Variants in REPS2 observed in about 807,000 individuals in gnomAD.
The protein encoded by REPS2 is ralBP1-associated Eps domain-containing protein 2.
Under a neutral mutation model 53.6 loss-of-function variants are expected in REPS2, and 23 were observed. The ratio of observed to expected loss-of-function variants is 0.43; its 90% confidence interval spans 0.31 to 0.61. The LOEUF (loss-of-function observed/expected upper bound fraction) is 0.61, where lower values mean the gene tolerates loss of function less well. Ranked by LOEUF, REPS2 falls within the 20% of genes least tolerant of loss-of-function variation. REPS2 has a pLI of 0.11. For synonymous variants in REPS2, 238 were observed against 218.6 expected, an observed-to-expected ratio of 1.09 and a Z score of -0.78; for missense variants, 446 against 534.9, an observed-to-expected ratio of 0.83 and a Z score of 1.64.
intron 13 of REPS2, among the ~76,000 whole-genome samples, chrX:17,087,565 A>G (rs1270369284): frequency 8.9e-6 from 1 of 112,185 alleles, no homozygotes; most frequent in Admixed American, 9.4e-5. Flanking sequence ...TTTGGTGTGG[A>G]GAAGTTGTCA....
intron 1 of REPS2, among the ~76,000 whole-genome samples, chrX:16,965,458 C>T (rs2147660555): frequency 9.0e-6 from 1 of 111,463 alleles, no homozygotes; most frequent in East Asian, 2.9e-4. Context: ...AGGGGCTCCT[C>T]ACTTCTCAGA....
chrX:17,027,608 T>G (rs768835374), intron 4 of REPS2, among the ~76,000 whole-genome samples: 10 of 108,723 alleles, frequency 9.2e-5, no homozygotes, highest in Non-Finnish European at 1.5e-4. Context: ...TATATGAAAC[T>G]GCCAAAGAGT....
Position 16,946,876 on chromosome X carries a change from G to T in REPS2, c.15G>T (p.Ala5=). 1 of 744,610 alleles carries T rather than the reference G, an allele frequency of 1.3e-6. No homozygotes were observed. The highest frequency in any genetic ancestry group is 1.6e-6 in the Non-Finnish European group (1 of 631,078). The allele number at this position is 744,610 out of a possible 1,213,427, so 61.4% of individuals were successfully genotyped here. A position where few individuals can be genotyped will look rare whatever the true frequency, so the allele number is the denominator to read the frequency against. The change falls in exon 1 of 18, where the codon GCG becomes GCT. Residue 5 remains alanine, a synonymous_variant. Coordinates refer to ENST00000357277, the MANE Select transcript of REPS2 (RefSeq NM_004726.3). MEAA[A]AAAAAAAAAA... ...TTGCTGGCCCCATGGAGGCGGCAGC[G>T]GCGGCGGCGGCGGCGGCAGCGGCAG...
chrX:17,133,807 C>G lies in REPS2; in HGVS notation c.1579-17C>G, dbSNP rs2063325860. ...GTGGTTTTGCATTTCTGTCCTCTCT[C>G]TGATCTCTTGCTACAGTCTGAACAA... On this transcript the variant is annotated splice_polypyrimidine_tract_variant and intron_variant, in intron 14 of 17. Coordinates refer to ENST00000357277, the MANE Select transcript of REPS2 (RefSeq NM_004726.3). The G allele has an allele frequency of 8.4e-7, 1 of 1,192,369 alleles. No individual in the cohort carries two copies. Among genetic ancestry groups the G allele is most frequent in the Admixed American group, 2.2e-5 (1 of 45,673 alleles).
the REPS2 span, among the ~76,000 whole-genome samples, chrX:17,186,972 T>C: frequency 9.0e-6 from 1 of 111,346 alleles, no homozygotes; most frequent in Non-Finnish European, 1.9e-5. Context: ...AACTACATAT[T>C]GGGTACAATG....
At chrX:17,101,667 C>T (rs766335493) in intron 13 of REPS2, among the ~76,000 whole-genome samples, 14 of 111,674 alleles carry the variant, frequency 1.3e-4, no homozygotes, top group African/African-American at 4.5e-4. Flanking sequence ...TAATGAGATC[C>T]GAATCAGGAT....
downstream of REPS2, among the ~76,000 whole-genome samples, chrX:17,158,118 C>T (rs954330157): frequency 2.7e-5 from 3 of 112,145 alleles, no homozygotes; most frequent in African/African-American, 9.7e-5. Context: ...TGAGTTGTTA[C>T]ATACACACGT....
At chrX:17,121,232 A>G (rs1039968722) in intron 14 of REPS2, among the ~76,000 whole-genome samples, 1 of 111,736 alleles carries the variant, frequency 8.9e-6, no homozygotes, top group Non-Finnish European at 1.9e-5. Flanking sequence ...GGGTGAAGGA[A>G]TTTTTCTCCC....
At chrX:17,052,036 G>A (rs1309818076) in intron 6 of REPS2, among the ~76,000 whole-genome samples, 1 of 111,757 alleles carries the variant, frequency 8.9e-6, no homozygotes, top group East Asian at 2.8e-4. Context: ...ATTTCTATTT[G>A]AAATCTGCCA....
At chrX:17,173,814 C>A in the REPS2 span, among the ~76,000 whole-genome samples, 3 of 111,609 alleles carry the variant, frequency 2.7e-5, no homozygotes, top group African/African-American at 9.8e-5. Context: ...TTAATTATTC[C>A]ATTTTCACAA....
At chrX:16,975,426 T>C (rs913889812) in intron 1 of REPS2, among the ~76,000 whole-genome samples, 7 of 112,173 alleles carry the variant, frequency 6.2e-5, no homozygotes, top group Non-Finnish European at 9.4e-5. Flanking sequence ...ATGTGAGATG[T>C]TATCTCATTG....
chrX:16,967,358 A>G (rs1308177779), intron 1 of REPS2, among the ~76,000 whole-genome samples: 2 of 109,983 alleles, frequency 1.8e-5, no homozygotes, highest in African/African-American at 6.6e-5. Flanking sequence ...TTCTGTATCT[A>G]GAATGGCAGA....
At chrX:16,957,818 G>A (rs1292609093) in intron 1 of REPS2, among the ~76,000 whole-genome samples, 2 of 111,378 alleles carry the variant, frequency 1.8e-5, no homozygotes, top group Non-Finnish European at 3.8e-5. Flanking sequence ...TCTTTGTTGT[G>A]GAGGACTGTC....
intron 16 of REPS2, chrX:17,138,624 T>G (rs1238805316): frequency 7.5e-6 from 2 of 265,797 alleles, no homozygotes; most frequent in Non-Finnish European, 1.3e-5. Context: ...TTTCACAGCT[T>G]TTATTCAAGT....
chrX:17,000,219 A>G (rs1434467448), intron 1 of REPS2, among the ~76,000 whole-genome samples: 1 of 111,816 alleles, frequency 8.9e-6, no homozygotes, highest in East Asian at 2.8e-4. Context: ...AAACAAATGT[A>G]TATAAATGGG....
At chrX:17,039,026 A>G (rs1208127342) in intron 5 of REPS2, among the ~76,000 whole-genome samples, 1 of 112,310 alleles carries the variant, frequency 8.9e-6, no homozygotes. Context: ...TTGTGGATGC[A>G]TCTGTTTCCC....
At chrX:17,016,751 TTC>T (rs2061499825) in intron 2 of REPS2, among the ~76,000 whole-genome samples, 1 of 82,797 alleles carries the variant, frequency 1.2e-5, no homozygotes, top group Non-Finnish European at 2.2e-5. Context: ...TGAAATATTT[TTC>T]TTTTTTCTTT....
the REPS2 span, among the ~76,000 whole-genome samples, chrX:17,165,508 T>C: frequency 1.8e-5 from 2 of 111,548 alleles, no homozygotes; most frequent in African/African-American, 6.5e-5. Context: ...CAGAATTCTG[T>C]TTTAAGGGCT....
At chrX:17,143,383 T>C (rs1467869702) in intron 17 of REPS2, among the ~76,000 whole-genome samples, 3 of 112,352 alleles carry the variant, frequency 2.7e-5, no homozygotes, top group Non-Finnish European at 5.6e-5. Flanking sequence ...TGTTTGGTTT[T>C]GGTTTTCTCC....
Sources: allele counts gnomAD v4.1 joint callset (sites outside exome capture counted in the v4.1 genomes callset), GRCh38; gene constraint gnomAD v4.1.1; transcripts MANE v1.5; gene names NCBI Gene and HGNC (gene_info 2026-07-23, HGNC 2026-07-21).